Variants in PPP5C observed in about 807,000 individuals in gnomAD.
The protein encoded by PPP5C is protein phosphatase 5 catalytic subunit.
A neutral mutation model predicts 66.7 loss-of-function variants in PPP5C; 21 were observed. That is an observed-to-expected ratio of 0.31 (90% confidence interval 0.22 to 0.45). The LOEUF (loss-of-function observed/expected upper bound fraction) is 0.45, where lower values mean the gene tolerates loss of function less well. PPP5C is among the 20% of genes least tolerant of loss of function. The pLI, the probability that PPP5C is intolerant of heterozygous loss-of-function variation, is 1.00. For missense variants in PPP5C, 464 were observed against 675.9 expected, an observed-to-expected ratio of 0.69 and a Z score of 3.48; for synonymous variants, 246 against 257.4, an observed-to-expected ratio of 0.96 and a Z score of 0.43.
intron 2 of PPP5C, among the ~76,000 whole-genome samples, chr19:46,375,057 C>T (rs572698234): frequency 1.2e-3 from 176 of 152,306 alleles, no homozygotes; most frequent in East Asian, 5.8e-4. Context: ...TGCTGCATGC[C>T]GGGCCCCCTG....
intron 4 of PPP5C, among the ~76,000 whole-genome samples, chr19:46,380,324 GA>G (rs201438915): frequency 0.25 from 33,258 of 135,440 alleles, 4,183 homozygotes; most frequent in Non-Finnish European, 0.33. Context: ...CATCTCAAAA[GA>G]AAAAAAAAAA....
At chr19:46,375,405 C>A (rs191404799) in intron 2 of PPP5C, among the ~76,000 whole-genome samples, 199 bp from the exon 3 acceptor site, 1 of 152,222 alleles carries the variant, frequency 6.6e-6, no homozygotes, top group Non-Finnish European at 1.5e-5. Flanking sequence ...TGCACCCATG[C>A]GGGCAGCTTT....
Position 46,390,313 on chromosome 19 carries a change from T to C in PPP5C, c.1467T>C (p.Tyr489=), listed in dbSNP as rs772893640. Residue 489 remains tyrosine (Y), a synonymous_variant, in exon 13 of 13, where the codon TAT becomes TAC. Coordinates refer to ENST00000012443, the MANE Select transcript of PPP5C (RefSeq NM_006247.4). ...VPHPNVKPMA[Y]ANTLLQLGMM is the part of the protein sequence containing the mutation. ...ATCCCAACGTCAAGCCCATGGCCTA[T>C]GCCAACACGCTGCTGCAGCTAGGAA... The C allele has an allele frequency of 6.9e-6, 11 of 1,587,386 alleles. No homozygotes were observed. The highest frequency in any genetic ancestry group is 9.4e-6 in the Non-Finnish European group (11 of 1,166,804).
chr19:46,361,781 C>T (rs1972397112), intron 2 of PPP5C, among the ~76,000 whole-genome samples: 1 of 150,708 alleles, frequency 6.6e-6, no homozygotes, highest in South Asian at 2.1e-4. Flanking sequence ...AAAAAAAATA[C>T]TATACCAAAA....
chr19:46,373,245 G>T (rs1042467743), intron 2 of PPP5C, among the ~76,000 whole-genome samples: 4 of 152,238 alleles, frequency 2.6e-5, no homozygotes, highest in African/African-American at 9.6e-5. Flanking sequence ...GGTGGAAGGG[G>T]AGCCCATCCC....
At chr19:46,365,391 T>A (rs767289224) in intron 2 of PPP5C, among the ~76,000 whole-genome samples, 1 of 152,220 alleles carries the variant, frequency 6.6e-6, no homozygotes, top group Non-Finnish European at 1.5e-5. Flanking sequence ...GTGCTGGGAT[T>A]ACAGGCGTGA....
At chr19:46,378,486 T>G (rs549147235) in intron 4 of PPP5C, among the ~76,000 whole-genome samples, 1 of 152,250 alleles carries the variant, frequency 6.6e-6, no homozygotes, top group Non-Finnish European at 1.5e-5. Flanking sequence ...TGGTTGAGAC[T>G]GCTGTTAAAA....
At chr19:46,381,158 A>C (rs1972784146) in intron 4 of PPP5C, among the ~76,000 whole-genome samples, 1 of 151,838 alleles carries the variant, frequency 6.6e-6, no homozygotes, top group Non-Finnish European at 1.5e-5. Flanking sequence ...TGAATTATTT[A>C]TTTCTTACAT....
intron 2 of PPP5C, among the ~76,000 whole-genome samples, chr19:46,361,072 T>G (rs1299338730): frequency 6.6e-6 from 1 of 152,066 alleles, no homozygotes; most frequent in African/African-American, 2.4e-5. Flanking sequence ...GTTTGTTTTT[T>G]GGGATTTTTG....
intron 11 of PPP5C, among the ~76,000 whole-genome samples, chr19:46,389,090 G>A (rs1247857889): frequency 6.6e-6 from 1 of 152,080 alleles, no homozygotes; most frequent in African/African-American, 2.4e-5. Context: ...TTGGGAGGCC[G>A]AGGTGGGCGG....
chr19:46,379,854 T>G (rs1394539430), intron 4 of PPP5C, among the ~76,000 whole-genome samples: 1 of 152,058 alleles, frequency 6.6e-6, no homozygotes, highest in Non-Finnish European at 1.5e-5. Context: ...GTGCTCTCCT[T>G]GGGAGAACTG....
intron 4 of PPP5C, chr19:46,381,608 G>C (rs980409377): frequency 6.6e-6 from 1 of 152,156 alleles, no homozygotes; most frequent in Admixed American, 6.6e-5. Flanking sequence ...AATTAGCCAG[G>C]CATGGTGGTT....
intron 11 of PPP5C, among the ~76,000 whole-genome samples, chr19:46,389,064 C>T (rs1412532311): frequency 6.6e-6 from 1 of 152,150 alleles, no homozygotes; most frequent in Non-Finnish European, 1.5e-5. Flanking sequence ...TGGCTCACGC[C>T]TATAATCCCA....
At chr19:46,371,567 G>C (rs899454740) in intron 2 of PPP5C, among the ~76,000 whole-genome samples, 3 of 152,160 alleles carry the variant, frequency 2.0e-5, no homozygotes, top group Non-Finnish European at 4.4e-5. Context: ...TTGTCCCAGA[G>C]TCAGGCCATA....
chr19:46,383,192 C>T lies in PPP5C; in HGVS notation c.634-219C>T, dbSNP rs149374721. 921 of 1,503,242 alleles carry T rather than the reference C, an allele frequency of 6.1e-4. 10 individuals carry two copies. In the African/African-American group the frequency reaches 0.012, roughly 19 times the overall value. The allele number at this position is 1,503,242 out of a possible 1,614,324, so 93.1% of individuals were successfully genotyped here. A position where few individuals can be genotyped will look rare whatever the true frequency, so the allele number is the denominator to read the frequency against. ...TCAAGAATCAGGTTTTCGTACAAAA[C>T]AATCGCAATGCTTCGGCACTGCACA... On this transcript the variant is annotated intron_variant, in intron 4 of 12. Coordinates refer to ENST00000012443, the MANE Select transcript of PPP5C (RefSeq NM_006247.4). This position sits in a 1 kb window ranked among gnomAD's most constrained non-coding sequence, Gnocchi z 5.0.
intron 4 of PPP5C, among the ~76,000 whole-genome samples, chr19:46,377,557 T>C (rs774178709): frequency 2.6e-5 from 4 of 152,246 alleles, no homozygotes; most frequent in Non-Finnish European, 5.9e-5. Context: ...TGAAGTGTCC[T>C]GTTAGATGAG....
intron 2 of PPP5C, among the ~76,000 whole-genome samples, chr19:46,364,600 C>G: frequency 6.6e-6 from 1 of 152,070 alleles, no homozygotes; most frequent in East Asian, 1.9e-4. Flanking sequence ...TTTTGTAAAT[C>G]TTGCAGCAAA....
In PPP5C at chr19:46,383,150, G is replaced by T; in HGVS notation, c.634-261G>T. ...CATGCATGTATTTCCACTTGATGCT[G>T]AGTATTTTAAGATAATTCAAGAATC... On this transcript the variant is annotated intron_variant, in intron 4 of 12. Transcript: ENST00000012443. The surrounding 1 kb of genome is among the most constrained non-coding windows in gnomAD (Gnocchi z 5.0). The T allele has an allele frequency of 7.0e-7, 1 of 1,427,300 alleles. No individual in the cohort carries two copies. Among genetic ancestry groups the T allele is most frequent in the East Asian group, 2.9e-5 (1 of 34,624 alleles). The allele number at this position is 1,427,300 out of a possible 1,614,324, so 88.4% of individuals were successfully genotyped here. A position where few individuals can be genotyped will look rare whatever the true frequency, so the allele number is the denominator to read the frequency against.
intron 11 of PPP5C, 116 bp from the exon 12 acceptor site, chr19:46,389,935 T>C (rs1972983193): frequency 4.6e-6 from 4 of 870,542 alleles, no homozygotes; most frequent in Non-Finnish European, 7.7e-6. Context: ...TCTGTGTCTG[T>C]TGTGGCTCTG....
Sources: allele counts gnomAD v4.1 joint callset (sites outside exome capture counted in the v4.1 genomes callset), GRCh38; gene constraint gnomAD v4.1.1; non-coding constraint Gnocchi (gnomAD v3.1); transcripts MANE v1.5; gene names NCBI Gene and HGNC (gene_info 2026-07-23, HGNC 2026-07-21).